AGBL2: variants seen among roughly 807,000 people sequenced by gnomAD.
AGBL2 encodes the protein AGBL carboxypeptidase 2, also known as cytosolic carboxypeptidase 2.
In AGBL2, 87 loss-of-function variants were observed where a neutral mutation model predicts 103.0. The ratio of observed to expected loss-of-function variants is 0.84; its 90% confidence interval spans 0.71 to 1.01. The LOEUF (loss-of-function observed/expected upper bound fraction) is 1.01. AGBL2 is among the 50% of genes least tolerant of loss of function. The pLI, the probability that AGBL2 is intolerant of heterozygous loss-of-function variation, is 0.00. For synonymous variants in AGBL2, 335 were observed against 356.7 expected, an observed-to-expected ratio of 0.94 and a Z score of 0.69; for missense variants, 904 against 1,023.5, an observed-to-expected ratio of 0.88 and a Z score of 1.59.
intron 8 of AGBL2, among the ~76,000 whole-genome samples, chr11:47,693,035 T>C (rs1222285785): frequency 3.3e-5 from 5 of 151,904 alleles, no homozygotes; most frequent in Non-Finnish European, 7.4e-5. Context: ...ACCCAGGCTA[T>C]TCTTGAACTC....
Position 47,668,881 on chromosome 11 carries a change from G to A in AGBL2, c.2174C>T (p.Ser725Leu), listed in dbSNP as rs2097348851. Residue 725 changes from serine (S) to leucine (L), a missense_variant, in exon 15 of 19, where the codon TCA becomes TTA. Physicochemically the swap from Ser to Leu is moderately radical, Grantham distance 145. Transcript: ENST00000525123. ...SSTSGSDSSL[S>L]DGLPVHLANI... Reference sequence around the variant, plus strand: ...TGCTAGGTGAACAGGAAGACCATCTGAGAGAGAACTGTCAGAGCCACTGGT... The same window carrying A: ...TGCTAGGTGAACAGGAAGACCATCTAAGAGAGAACTGTCAGAGCCACTGGT... 1.9e-6 allele frequency: 3 copies of A among 1,613,216 alleles called. No homozygotes were observed. Among genetic ancestry groups the A allele is most frequent in the Non-Finnish European group, 2.5e-6 (3 of 1,179,602 alleles).
rs377394141 is a variant in AGBL2, at chr11:47,680,095, C to T, written c.1916-22G>A. ...TTACCTGGAAAAAAAAAAAACCCCG[C>T]AAACATTTCCAATTAAATCTTAGTG... On this transcript the variant is annotated intron_variant, in intron 12 of 18. Coordinates refer to ENST00000525123, the MANE Select transcript of AGBL2 (RefSeq NM_024783.4). 2.3e-6 allele frequency: 3 copies of T among 1,309,578 alleles called. No homozygotes were observed. In the African/African-American group the frequency reaches 4.5e-5, roughly 20 times the overall value. The allele number at this position is 1,309,578 out of a possible 1,614,324, so 81.1% of individuals were successfully genotyped here.
At chr11:47,664,886 T>TA (rs2097337208) in intron 17 of AGBL2, among the ~76,000 whole-genome samples, 2 of 138,988 alleles carry the variant, frequency 1.4e-5, no homozygotes, top group Admixed American at 7.4e-5. Flanking sequence ...CTTTTTTTTT[T>TA]TTTTTTTTAA....
At chr11:47,699,655 T>C in intron 7 of AGBL2, 102 bp from the exon 8 acceptor site, 1 of 629,796 alleles carries the variant, frequency 1.6e-6, no homozygotes. Context: ...ATGGCTAGTT[T>C]GGTTGAATCA....
chr11:47,707,153 C>T (rs951093676), intron 4 of AGBL2, among the ~76,000 whole-genome samples: 7 of 151,922 alleles, frequency 4.6e-5, no homozygotes, highest in Non-Finnish European at 8.8e-5. Context: ...GAGCAGAGAT[C>T]GTGCCTTTCT....
chr11:47,660,614 C>T (rs1840629004), intron 18 of AGBL2, among the ~76,000 whole-genome samples: 2 of 149,592 alleles, frequency 1.3e-5, no homozygotes, highest in Non-Finnish European at 2.9e-5. Context: ...AGTGCAATGG[C>T]ACAATCTCAG....
At position 47,715,345 on chromosome 11, in the gene AGBL2, C is replaced by G. The variant is rs926075413; in HGVS notation, c.-271G>C. 3.3e-5 allele frequency: 5 copies of G among 152,268 alleles called. No individual in the cohort carries two copies. The highest frequency in any genetic ancestry group is 1.2e-4 in the African/African-American group (5 of 41,448). The allele number at this position is 152,268 out of a possible 1,614,324, so 9.4% of individuals were successfully genotyped here. A position where few individuals can be genotyped will look rare whatever the true frequency, so the allele number is the denominator to read the frequency against. On this transcript the variant is annotated 5_prime_UTR_variant, in exon 1 of 19. Coordinates refer to ENST00000525123, the MANE Select transcript of AGBL2 (RefSeq NM_024783.4). ...AACTCGCTGCACCCGCCCGCCACCGCCTTCTGTGAGGGCCCGGGTAGTCTA... is the reference window on the plus strand; with the variant it reads ...AACTCGCTGCACCCGCCCGCCACCGGCTTCTGTGAGGGCCCGGGTAGTCTA...
chr11:47,690,329 T>G lies in AGBL2; in HGVS notation c.1378A>C (p.Arg460=), dbSNP rs1479662009. The part of the protein sequence containing the change: ...AAKKAVVLSA[R]VHPGESNGSW... The stretch of plus-strand genomic sequence containing the variant: ...CCATTACTTTCTCCAGGGTGAACTC[T>G]GGCACTCAAGACCACAGCTTTCTTT... Residue 460 remains arginine (R), a synonymous_variant, in exon 10 of 19, where the codon AGA becomes CGA. Transcript: ENST00000525123. 1.2e-6 allele frequency: 2 copies of G among 1,613,864 alleles called. No homozygotes were observed. Among genetic ancestry groups the G allele is most frequent in the Non-Finnish European group, 1.7e-6 (2 of 1,179,896 alleles).
intron 10 of AGBL2, among the ~76,000 whole-genome samples, chr11:47,687,858 A>G (rs1435980348): frequency 7.3e-6 from 1 of 136,676 alleles, no homozygotes; most frequent in Non-Finnish European, 1.5e-5. Flanking sequence ...CCTAGGCTGG[A>G]GTGCAGTGGC....
At chr11:47,670,806 C>A (rs551659783) in intron 14 of AGBL2, among the ~76,000 whole-genome samples, 1 of 151,900 alleles carries the variant, frequency 6.6e-6, no homozygotes, top group East Asian at 1.9e-4. Flanking sequence ...CCAGCCTGGG[C>A]AACATGGCAA....
intron 14 of AGBL2, among the ~76,000 whole-genome samples, 154 bp downstream of exon 14, chr11:47,677,117 C>T (rs1182023672): frequency 6.6e-6 from 1 of 152,162 alleles, no homozygotes; most frequent in Non-Finnish European, 1.5e-5. Flanking sequence ...AGGTGATCCT[C>T]CCACCTCAGC....
chr11:47,710,239 G>A (rs1447716091), intron 4 of AGBL2, 138 bp downstream of exon 4: 3 of 991,524 alleles, frequency 3.0e-6, no homozygotes, highest in Admixed American at 4.6e-5. Flanking sequence ...GATTTAGAGA[G>A]AAGTTTTGAA....
Position 47,694,192 on chromosome 11 carries a change from A to G in AGBL2, c.695-1936T>C, listed in dbSNP as rs372004637. Among the ~76,000 whole-genome samples, 4 of 151,258 alleles carry G rather than the reference A, an allele frequency of 2.6e-5. No homozygotes were observed. The East Asian group carries it at 5.8e-4, about 22-fold the overall frequency. On this transcript the variant is annotated intron_variant, in intron 8 of 18. Transcript: ENST00000525123. ...AGCTTGGGTGACAAAGTGAGATCCTATCATTCATTCATTCATTCATTCACT... is the reference window on the plus strand; with the variant it reads ...AGCTTGGGTGACAAAGTGAGATCCTGTCATTCATTCATTCATTCATTCACT...
rs571437777 is a variant in AGBL2 at position 47,680,214 on chromosome 11, G to A, written c.1916-141C>T. ...CGCCTGTAATCCCAGCACTTTGGGA[G>A]GCCAAGGCAGGCAGATCACGAGGTC... On this transcript the variant is annotated intron_variant, in intron 12 of 18. Coordinates refer to ENST00000525123, the MANE Select transcript of AGBL2 (RefSeq NM_024783.4). The A allele has an allele frequency of 1.4e-5, 7 of 513,146 alleles. No homozygotes were observed. The East Asian group carries it at 2.2e-4, about 16-fold the overall frequency. The allele number at this position is 513,146 out of a possible 1,614,324, so 31.8% of individuals were successfully genotyped here. A position where few individuals can be genotyped will look rare whatever the true frequency, so the allele number is the denominator to read the frequency against.
Position 47,680,061 on chromosome 11 carries a change from T to G in AGBL2, c.1928A>C (p.Asp643Ala). The change falls in exon 13 of 19, where the codon GAC becomes GCC. Residue 643 changes from aspartate to alanine, a missense_variant. Physicochemically the swap from Asp to Ala is moderately radical, Grantham distance 126. Transcript: ENST00000525123. ...CAGATCTTCGATGGTAAAGTGGGTG[T>G]CTCTTTTATTACCTGGAAAAAAAAA... ...FGGSTLGNKR[D>A]THFTIEDLKS... The G allele has an allele frequency of 1.0e-5, 16 of 1,600,602 alleles. No individual in the cohort carries two copies. Among genetic ancestry groups the G allele is most frequent in the Non-Finnish European group, 1.3e-5 (15 of 1,170,204 alleles).
rs1362682970 is a variant in AGBL2 at position 47,710,414 on chromosome 11, A to G, written c.195T>C (p.Asp65=). The change falls in exon 4 of 19, where the codon GAT becomes GAC. Residue 65 remains aspartate, a synonymous_variant. Transcript: ENST00000525123. The stretch of plus-strand genomic sequence containing the variant: ...CCTTTTGCAGGGTGTCTGGTATCAA[A>G]TCATCTTTTTCCCCAAGAGAGCCAT... ...LLNGSLGEKD[D]LIPDTLQKEK... 1.2e-6 allele frequency: 2 copies of G among 1,614,018 alleles called. No individual in the cohort carries two copies. Among genetic ancestry groups the G allele is most frequent in the Admixed American group, 3.3e-5 (2 of 59,992 alleles).
At chr11:47,681,835 A>T in intron 12 of AGBL2, 134 bp downstream of exon 12, 1 of 1,125,946 alleles carries the variant, frequency 8.9e-7, no homozygotes. Flanking sequence ...GGGCACTCAA[A>T]TTTAGCATAA....
In AGBL2 at chr11:47,714,666, T is replaced by C; in HGVS notation, c.-16A>G. ...CTGGGAACATGTTACTTCTGGATGG[T>C]AGGCTGAAAACTAGTCAGTGACATT... is the stretch of plus-strand genomic sequence containing the variant. On this transcript the variant is annotated 5_prime_UTR_variant, in exon 2 of 19. Transcript: ENST00000525123. 1.2e-6 allele frequency: 2 copies of C among 1,613,782 alleles called. No homozygotes were observed. The highest frequency in any genetic ancestry group is 1.1e-5 in the South Asian group (1 of 91,058).
chr11:47,660,618 A>G (rs1292590199), intron 18 of AGBL2, among the ~76,000 whole-genome samples: 1 of 151,776 alleles, frequency 6.6e-6, no homozygotes, highest in Non-Finnish European at 1.5e-5. Flanking sequence ...CAATGGCACA[A>G]TCTCAGCTCA....
Sources: allele counts gnomAD v4.1 joint callset (sites outside exome capture counted in the v4.1 genomes callset), GRCh38; gene constraint gnomAD v4.1.1; transcripts MANE v1.5; gene names NCBI Gene and HGNC (gene_info 2026-07-23, HGNC 2026-07-21).